The following CDH8 variants were observed in gnomAD, a reference collection of about 807,000 sequenced individuals.
The protein encoded by CDH8 is cadherin-8.
Under a neutral mutation model 68.1 loss-of-function variants are expected in CDH8, and 17 were observed. That is an observed-to-expected ratio of 0.25 (90% CI 0.17 to 0.37). The LOEUF (loss-of-function observed/expected upper bound fraction) is 0.37. CDH8 is among the 10% of genes least tolerant of loss of function. CDH8 has a pLI of 1.00. For missense variants in CDH8, 763 were observed against 999.3 expected (o/e 0.76, Z 3.19); for synonymous variants, 372 against 365.1 (o/e 1.02, Z -0.21).
At chr16:61,836,589 C>A (rs1296171952) in intron 4 of CDH8, among the ~76,000 whole-genome samples, 2 of 151,952 alleles carry the variant, frequency 1.3e-5, no homozygotes, top group Non-Finnish European at 2.9e-5. Flanking sequence ...TGCTTTAAAA[C>A]AGGGCAGAAA....
intron 2 of CDH8, among the ~76,000 whole-genome samples, chr16:62,013,350 A>G (rs536246613): frequency 6.6e-6 from 1 of 151,966 alleles, no homozygotes; most frequent in Non-Finnish European, 1.5e-5. Context: ...GGGTGAAGGT[A>G]ATTGAAAAAA....
chr16:61,880,745 G>T (rs1963559147), intron 3 of CDH8, among the ~76,000 whole-genome samples: 1 of 152,172 alleles, frequency 6.6e-6, no homozygotes, highest in Non-Finnish European at 1.5e-5. Context: ...AACCAGAGGT[G>T]AGTGGATCAA....
chr16:61,912,226 T>A lies in CDH8; in HGVS notation c.253-10753A>T, dbSNP rs143483582. Among the ~76,000 whole-genome samples the A allele has an allele frequency of 6.6e-3, 1,001 of 151,240 alleles. 14 individuals carry two copies. The highest frequency in any genetic ancestry group is 0.023 in the African/African-American group (958 of 41,252). The stretch of plus-strand genomic sequence containing the variant: ...GGAAGAACATTACAATTGAGGTTTT[T>A]AAAAAAAAAGACTACATAAAACTGG... On this transcript the variant is annotated intron_variant, in intron 2 of 11. Transcript: ENST00000577390.
intron 2 of CDH8, among the ~76,000 whole-genome samples, chr16:61,960,360 TAC>T (rs1201749350): frequency 5.1e-5 from 5 of 98,752 alleles, no homozygotes; most frequent in Admixed American, 1.1e-4. Flanking sequence ...TGTGTGTGTA[TAC>T]ACATACATAT....
chr16:61,726,915 G>A (rs1959389571), intron 9 of CDH8, 179 bp downstream of exon 9: 1 of 635,080 alleles, frequency 1.6e-6, no homozygotes, highest in South Asian at 2.2e-5. Context: ...TCATAAGTAG[G>A]AAGAGAAATA....
intron 2 of CDH8, among the ~76,000 whole-genome samples, chr16:61,904,702 G>T (rs1320642807): frequency 6.6e-6 from 1 of 152,142 alleles, no homozygotes; most frequent in Admixed American, 6.5e-5. Context: ...TGTGATAAGG[G>T]CTATGTGAAT....
chr16:61,757,910 G>A (rs949309165), intron 8 of CDH8, among the ~76,000 whole-genome samples: 2 of 152,130 alleles, frequency 1.3e-5, no homozygotes, highest in South Asian at 2.1e-4. Context: ...GCTAAGTTCT[G>A]GGATTTGTTG....
At chr16:61,738,278 C>T (rs2142918003) in intron 8 of CDH8, among the ~76,000 whole-genome samples, 1 of 152,256 alleles carries the variant, frequency 6.6e-6, no homozygotes, top group East Asian at 1.9e-4. Context: ...TTCAAATGCT[C>T]TCTAAATGGG....
intron 2 of CDH8, among the ~76,000 whole-genome samples, chr16:61,926,087 C>T (rs1287690923): frequency 4.0e-5 from 6 of 151,378 alleles, no homozygotes; most frequent in Non-Finnish European, 8.8e-5. Context: ...GATAAGTAAC[C>T]TGCTCCAAGC....
At chr16:61,756,387 T>A (rs190359598) in intron 8 of CDH8, among the ~76,000 whole-genome samples, 121 of 152,242 alleles carry the variant, frequency 7.9e-4, no homozygotes, top group Non-Finnish European at 1.1e-3. Context: ...ATTCCCCAGA[T>A]GAAAATATTA....
At chr16:61,744,882 T>G (rs1044854339) in intron 8 of CDH8, among the ~76,000 whole-genome samples, 1 of 151,466 alleles carries the variant, frequency 6.6e-6, no homozygotes, top group African/African-American at 2.4e-5. Context: ...GTTATGTATT[T>G]TAATTCTACC....
rs1446520169 is a variant in CDH8, at chr16:61,844,543, T to C, written c.667+12576A>G. Among the ~76,000 whole-genome samples, 5 of 152,186 alleles carry C rather than the reference T, an allele frequency of 3.3e-5. No homozygotes were observed. The East Asian group carries it at 9.6e-4, about 29-fold the overall frequency. Reference sequence around the variant, plus strand: ...TCCTCAATAACCATTTTCCAGGGTATAGGAGGCACATTACTTTAGAGTTCA... The same window carrying C: ...TCCTCAATAACCATTTTCCAGGGTACAGGAGGCACATTACTTTAGAGTTCA... On this transcript the variant is annotated intron_variant, in intron 4 of 11. Transcript: ENST00000577390.
chr16:61,789,959 T>G (rs950475608), intron 7 of CDH8, among the ~76,000 whole-genome samples: 23 of 152,082 alleles, frequency 1.5e-4, no homozygotes, highest in Non-Finnish European at 2.8e-4. Context: ...CATTTTGTTG[T>G]TGGTGGTGGT....
At chr16:61,917,602 T>C (rs555071718) in intron 2 of CDH8, among the ~76,000 whole-genome samples, 69 of 152,282 alleles carry the variant, frequency 4.5e-4, no homozygotes, top group Admixed American at 1.1e-3. Context: ...GCTTCTGTTG[T>C]CCCTTGCTGC....
At chr16:61,665,982 G>T (rs1963668505) in intron 10 of CDH8, among the ~76,000 whole-genome samples, 1 of 151,870 alleles carries the variant, frequency 6.6e-6, no homozygotes, top group East Asian at 1.9e-4. Context: ...AATGGAAGAT[G>T]CCAGAAATAA....
At chr16:61,667,211 T>G (rs191664842) in intron 10 of CDH8, 196 of 152,096 alleles carry the variant, frequency 1.3e-3, no homozygotes, top group African/African-American at 4.5e-3. Flanking sequence ...AATCTCCATT[T>G]TTTTGGAGTG....
intron 8 of CDH8, among the ~76,000 whole-genome samples, chr16:61,782,780 C>T (rs1329174211): frequency 6.6e-6 from 1 of 152,002 alleles, no homozygotes; most frequent in Non-Finnish European, 1.5e-5. Context: ...GGTCCCTGAC[C>T]CCTGACCCCT....
intron 10 of CDH8, among the ~76,000 whole-genome samples, chr16:61,665,680 A>C (rs1205648706): frequency 6.6e-6 from 1 of 151,936 alleles, no homozygotes; most frequent in Non-Finnish European, 1.5e-5. Context: ...AGAAAAAAAA[A>C]CAGATAGACT....
At chr16:61,673,635 C>T (rs2142783558) in intron 10 of CDH8, among the ~76,000 whole-genome samples, 1 of 152,234 alleles carries the variant, frequency 6.6e-6, no homozygotes, top group Non-Finnish European at 1.5e-5. Flanking sequence ...AAACCACATA[C>T]TATATTTGTT....
Sources: allele counts gnomAD v4.1 joint callset (sites outside exome capture counted in the v4.1 genomes callset), GRCh38; gene constraint gnomAD v4.1.1; transcripts MANE v1.5; gene names NCBI Gene and HGNC (gene_info 2026-07-23, HGNC 2026-07-21).